The following WWP1 variants were observed in gnomAD, a reference collection of about 807,000 sequenced individuals.
The protein encoded by WWP1 is WW domain containing E3 ubiquitin protein ligase 1.
In WWP1, 49 loss-of-function variants were observed where a neutral mutation model predicts 130.6. That is an observed-to-expected ratio of 0.38 (90% CI 0.30 to 0.48). The LOEUF (loss-of-function observed/expected upper bound fraction) is 0.48. WWP1 is among the 20% of genes least tolerant of loss of function. WWP1 has a pLI of 0.99. For missense variants in WWP1, 809 were observed against 1,100.6 expected, an observed-to-expected ratio of 0.74 and a Z score of 3.75; for synonymous variants, 332 against 367.8, an observed-to-expected ratio of 0.90 and a Z score of 1.11.
At chr8:86,400,121 G>C (rs1028915319) in intron 7 of WWP1, among the ~76,000 whole-genome samples, 2 of 152,042 alleles carry the variant, frequency 1.3e-5, no homozygotes, top group Non-Finnish European at 2.9e-5. Context: ...ATGAGGTCAG[G>C]AGTTCGAGAC....
chr8:86,423,890 G>A (rs1373292304), intron 9 of WWP1, among the ~76,000 whole-genome samples: 12 of 146,294 alleles, frequency 8.2e-5, no homozygotes, highest in Admixed American at 2.0e-4. Context: ...GCGGCTGGCC[G>A]GGCGGGGGCT....
At chr8:86,460,672 A>G (rs1000415098) in intron 22 of WWP1, among the ~76,000 whole-genome samples, 17 of 152,084 alleles carry the variant, frequency 1.1e-4, no homozygotes, top group Admixed American at 2.6e-4. Flanking sequence ...GGATGTAGTA[A>G]TAATAGTGGC....
chr8:86,423,983 G>GGCA (rs1409402802), intron 9 of WWP1, among the ~76,000 whole-genome samples: 15 of 116,818 alleles, frequency 1.3e-4, no homozygotes, highest in Non-Finnish European at 2.5e-4. Flanking sequence ...GCGCTTATGG[G>GGCA]GCTGCCCCCC....
intron 5 of WWP1, 57 bp from the exon 6 acceptor site, chr8:86,398,285 T>C (rs893426814): frequency 5.9e-6 from 9 of 1,521,590 alleles, no homozygotes; most frequent in Non-Finnish European, 7.9e-6. Context: ...AGGTTTGATT[T>C]CTGAAGCATT....
chr8:86,369,786 G>C lies in WWP1; in HGVS notation c.-22+755G>C, dbSNP rs1824179988. Among the ~76,000 whole-genome samples the C allele has an allele frequency of 2.0e-5, 3 of 152,142 alleles. No homozygotes were observed. The South Asian group carries it at 6.2e-4, about 32-fold the overall frequency. On this transcript the variant is annotated intron_variant, in intron 2 of 24. Transcript: ENST00000517970. ...GTGTCTTTTTCTTGGAAGACTAAAT[G>C]CTGTCTGAAAGCTGTATCTGTCCTT...
chr8:86,452,738 G>T (rs1354725257), intron 21 of WWP1, 59 bp downstream of exon 21: 3 of 1,587,456 alleles, frequency 1.9e-6, no homozygotes, highest in Non-Finnish European at 2.6e-6. Context: ...GACTAATTTA[G>T]TGCTTTTACA....
intron 9 of WWP1, among the ~76,000 whole-genome samples, chr8:86,416,724 G>T (rs570066858): frequency 6.6e-6 from 1 of 152,086 alleles, no homozygotes; most frequent in Non-Finnish European, 1.5e-5. Context: ...ATAAATTAGA[G>T]TTCTATTGAG....
intron 2 of WWP1, among the ~76,000 whole-genome samples, chr8:86,371,033 T>A (rs1824268158): frequency 6.7e-6 from 1 of 149,402 alleles, no homozygotes; most frequent in African/African-American, 2.5e-5. Flanking sequence ...GCCTGGCTAA[T>A]TTTTGTATTT....
chr8:86,369,485 A>G (rs1367039033), intron 2 of WWP1, among the ~76,000 whole-genome samples: 1 of 152,088 alleles, frequency 6.6e-6, no homozygotes, highest in African/African-American at 2.4e-5. Flanking sequence ...TAAAGAGAAA[A>G]ATAGATTGGG....
At chr8:86,405,529 C>A (rs1040120367) in intron 8 of WWP1, among the ~76,000 whole-genome samples, 1 of 151,960 alleles carries the variant, frequency 6.6e-6, no homozygotes, top group Non-Finnish European at 1.5e-5. Context: ...TATGCCATTA[C>A]CTTTGTTTGT....
intron 24 of WWP1, 103 bp downstream of exon 24, chr8:86,461,949 A>G: frequency 2.2e-6 from 2 of 892,334 alleles, no homozygotes; most frequent in Non-Finnish European, 3.6e-6. Flanking sequence ...TATTCATTAA[A>G]GTAGTCAGAA....
At chr8:86,370,160 A>G (rs1824203799) in intron 2 of WWP1, among the ~76,000 whole-genome samples, 1 of 152,248 alleles carries the variant, frequency 6.6e-6, no homozygotes. Context: ...TGAATTTCAT[A>G]ATCATGTTTG....
intron 16 of WWP1, among the ~76,000 whole-genome samples, chr8:86,436,135 G>A (rs919909949): frequency 6.6e-6 from 1 of 152,050 alleles, no homozygotes; most frequent in Non-Finnish European, 1.5e-5. Flanking sequence ...AGCACTTATT[G>A]TATCTCCATG....
At chr8:86,458,550 T>C (rs1414388685) in intron 22 of WWP1, among the ~76,000 whole-genome samples, 1 of 152,212 alleles carries the variant, frequency 6.6e-6, no homozygotes, top group Non-Finnish European at 1.5e-5. Context: ...ATCTTGAACA[T>C]TTTATTTTAA....
At chr8:86,401,555 A>G (rs1807980542) in intron 7 of WWP1, among the ~76,000 whole-genome samples, 1 of 152,126 alleles carries the variant, frequency 6.6e-6, no homozygotes, top group African/African-American at 2.4e-5. Context: ...TCTCTAAAAA[A>G]AAAAAAAAAA....
At chr8:86,381,253 C>T (rs1385509997) in intron 4 of WWP1, among the ~76,000 whole-genome samples, 1 of 152,046 alleles carries the variant, frequency 6.6e-6, no homozygotes. Context: ...AGTAAGACTC[C>T]TGTGTTGGTG....
Position 86,342,766 on chromosome 8 carries a change from G to A in WWP1, c.-279G>A, listed in dbSNP as rs1822270618. On this transcript the variant is annotated 5_prime_UTR_variant, in exon 1 of 25. Transcript: ENST00000517970. ...GAGCTCCGCGTGCGGGTTCCGAGTG[G>A]CTGCTGGCGGCCTGGGCTGCCGGGG... 1.4e-5 allele frequency: 5 copies of A among 366,616 alleles called. No individual in the cohort carries two copies. Among genetic ancestry groups the A allele is most frequent in the Middle Eastern group, 7.0e-4 (1 of 1,422 alleles). 22.7% of individuals were successfully genotyped at this position (366,616 alleles called of 1,614,324 possible).
chr8:86,398,294 T>C (rs1414186416), intron 5 of WWP1, 48 bp from the exon 6 acceptor site: 4 of 1,534,192 alleles, frequency 2.6e-6, no homozygotes, highest in Non-Finnish European at 3.5e-6. Context: ...TTCTGAAGCA[T>C]TTTTATATGT....
intron 2 of WWP1, among the ~76,000 whole-genome samples, chr8:86,373,759 C>A (rs922528692): frequency 6.6e-6 from 1 of 152,120 alleles, no homozygotes; most frequent in Non-Finnish European, 1.5e-5. Context: ...CACTCCTTCC[C>A]CTTGTAGCAG....
Sources: allele counts gnomAD v4.1 joint callset (sites outside exome capture counted in the v4.1 genomes callset), GRCh38; gene constraint gnomAD v4.1.1; transcripts MANE v1.5; gene names NCBI Gene and HGNC (gene_info 2026-07-23, HGNC 2026-07-21).